ZFAT: variants seen among roughly 807,000 people sequenced by gnomAD.
The protein encoded by ZFAT is zinc finger protein ZFAT.
Under a neutral mutation model 117.7 loss-of-function variants are expected in ZFAT, and 64 were observed. The ratio of observed to expected loss-of-function variants is 0.54; its 90% CI spans 0.44 to 0.67. The LOEUF is 0.67. Among genes scored for constraint, ZFAT ranks in the 30% least tolerant of loss-of-function variants. The probability of loss-of-function intolerance (pLI) is 0.00; values close to 1 mark genes in which losing one functional copy is unlikely to be tolerated. For missense variants in ZFAT, 1,433 were observed against 1,584.5 expected (o/e 0.90, Z 1.62); for synonymous variants, 679 against 615.0 (o/e 1.10, Z -1.54).
chr8:134,719,151 A>C, the ZFAT span, among the ~76,000 whole-genome samples: 1 of 152,194 alleles, frequency 6.6e-6, no homozygotes, highest in African/African-American at 2.4e-5. Context: ...GACTTCACTG[A>C]ACATCCTTTT....
At chr8:134,674,978 G>A (rs902973605) in intron 1 of ZFAT, 13 of 152,308 alleles carry the variant, frequency 8.5e-5, no homozygotes, top group African/African-American at 3.1e-4. Flanking sequence ...CCAAAGGTAG[G>A]TAAATCAACG....
At chr8:134,590,385 C>T in intron 7 of ZFAT, 30 bp from the exon 8 acceptor site, 2 of 1,564,172 alleles carry the variant, frequency 1.3e-6, no homozygotes, top group African/African-American at 1.4e-5. Flanking sequence ...AATCAGTTGA[C>T]TTTCTCATTT....
chr8:134,722,282 C>T, the ZFAT span, among the ~76,000 whole-genome samples: 43,387 of 152,040 alleles, frequency 0.29, 6,534 homozygotes, highest in East Asian at 0.4. Flanking sequence ...ACAGCCTAGG[C>T]GAGAAATAGC....
At chr8:134,663,888 T>C (rs1832065604) in intron 1 of ZFAT, among the ~76,000 whole-genome samples, 1 of 152,126 alleles carries the variant, frequency 6.6e-6, no homozygotes, top group Admixed American at 6.5e-5. Flanking sequence ...CAGGCAAGAA[T>C]GGTGTCTTAT....
chr8:134,579,327 C>T (rs980165127), intron 10 of ZFAT, among the ~76,000 whole-genome samples: 5 of 152,266 alleles, frequency 3.3e-5, no homozygotes, highest in South Asian at 4.1e-4. Flanking sequence ...AGAAGTTTAA[C>T]GATTCACAGT....
the ZFAT span, among the ~76,000 whole-genome samples, chr8:134,823,155 T>C: frequency 6.6e-6 from 1 of 152,072 alleles, no homozygotes. Context: ...GTTTCAAATC[T>C]CCCATGTCAA....
chr8:134,759,414 CCACT>C, the ZFAT span, among the ~76,000 whole-genome samples: 1 of 152,148 alleles, frequency 6.6e-6, no homozygotes, highest in Non-Finnish European at 1.5e-5. Flanking sequence ...TCTTCTTCCA[CCACT>C]GAAAGGCCTG....
At position 134,494,265 on chromosome 8, in the gene ZFAT, T is replaced by C. The variant is rs561488662; in HGVS notation, c.3492+15354A>G. ...CCCTCCACTGTACTTTAGGAGTAGTTTCCTTTGTACATTTCCACCTGCCTG... is the reference window on the plus strand; with the variant it reads ...CCCTCCACTGTACTTTAGGAGTAGTCTCCTTTGTACATTTCCACCTGCCTG... On this transcript the variant is annotated intron_variant, in intron 15 of 15. Transcript: ENST00000377838. Among the ~76,000 whole-genome samples, 31 of 152,328 alleles carry C rather than the reference T, an allele frequency of 2.0e-4. No homozygotes were observed. The South Asian group carries it at 5.2e-3, about 25-fold the overall frequency.
intron 3 of ZFAT, among the ~76,000 whole-genome samples, chr8:134,615,143 T>C (rs1828624993): frequency 6.6e-6 from 1 of 152,106 alleles, no homozygotes. Context: ...GGGTTCTCCT[T>C]GTATCCCATG....
intron 1 of ZFAT, chr8:134,696,406 T>G (rs1462861860): frequency 2.0e-6 from 2 of 985,074 alleles, no homozygotes; most frequent in Non-Finnish European, 2.4e-6. Context: ...AAGTTCAGAG[T>G]GGAAACTCGC....
chr8:134,660,658 C>T (rs950323724), intron 1 of ZFAT, among the ~76,000 whole-genome samples: 1 of 152,208 alleles, frequency 6.6e-6, no homozygotes, highest in African/African-American at 2.4e-5. Flanking sequence ...TTTCCCAATA[C>T]CTGTAAGTAT....
At chr8:134,622,178 C>T (rs1369584988) in intron 3 of ZFAT, among the ~76,000 whole-genome samples, 2 of 152,156 alleles carry the variant, frequency 1.3e-5, no homozygotes, top group Admixed American at 6.5e-5. Context: ...TGGTTTCTTT[C>T]GGTTTGTATT....
chr8:134,651,144 T>A (rs1831213938), intron 2 of ZFAT, among the ~76,000 whole-genome samples: 1 of 151,750 alleles, frequency 6.6e-6, no homozygotes, highest in Non-Finnish European at 1.5e-5. Context: ...AACTTAAATA[T>A]AGAATTGACA....
intron 15 of ZFAT, among the ~76,000 whole-genome samples, chr8:134,503,548 G>A (rs1819149879): frequency 6.6e-6 from 1 of 152,148 alleles, no homozygotes; most frequent in African/African-American, 2.4e-5. Context: ...ATTATTCTAG[G>A]TATGGCTGTG....
chr8:134,817,434 CACA>C, the ZFAT span, among the ~76,000 whole-genome samples: 78 of 119,544 alleles, frequency 6.5e-4, 1 homozygote, highest in South Asian at 5.6e-3. Context: ...CACACACACA[CACA>C]ACGCACCCTT....
chr8:134,817,433 AC>A, the ZFAT span, among the ~76,000 whole-genome samples: 14 of 126,434 alleles, frequency 1.1e-4, no homozygotes, highest in Non-Finnish European at 2.0e-4. Flanking sequence ...ACACACACAC[AC>A]ACAACGCACC....
chr8:134,634,688 G>C (rs1867058), intron 3 of ZFAT, among the ~76,000 whole-genome samples: 31,299 of 152,080 alleles, frequency 0.21, 3,343 homozygotes, highest in Middle Eastern at 0.23. Flanking sequence ...ACCCTGGTTG[G>C]TACAAAAAAC....
At chr8:134,754,182 A>G in the ZFAT span, among the ~76,000 whole-genome samples, 1 of 152,258 alleles carries the variant, frequency 6.6e-6, no homozygotes, top group East Asian at 1.9e-4. Context: ...TATCGCCTAC[A>G]GGCAGGATGA....
chr8:134,785,776 T>A, the ZFAT span: 1 of 135,554 alleles, frequency 7.4e-6, no homozygotes, highest in Admixed American at 7.0e-5. Flanking sequence ...ATTTTTCCTG[T>A]TTAAAAAAAA....
Sources: allele counts gnomAD v4.1 joint callset (sites outside exome capture counted in the v4.1 genomes callset), GRCh38; gene constraint gnomAD v4.1.1; transcripts MANE v1.5; gene names NCBI Gene and HGNC (gene_info 2026-07-23, HGNC 2026-07-21).